UBAC2: variants seen among roughly 807,000 people sequenced by gnomAD.
UBAC2 encodes the protein ubiquitin-associated domain-containing protein 2.
Under a neutral mutation model 44.0 loss-of-function variants are expected in UBAC2, and 26 were observed. The ratio of observed to expected loss-of-function variants is 0.59; its 90% CI spans 0.43 to 0.82. The LOEUF is 0.82. Among genes scored for constraint, UBAC2 ranks in the 40% least tolerant of loss-of-function variants. The probability of loss-of-function intolerance (pLI) is 0.00; values close to 1 mark genes in which losing one functional copy is unlikely to be tolerated. For missense variants in UBAC2, 329 were observed against 419.4 expected, an observed-to-expected ratio of 0.78 and a Z score of 1.88; for synonymous variants, 155 against 154.3, an observed-to-expected ratio of 1.00 and a Z score of -0.04.
chr13:99,242,986 A>G (rs547866025), intron 2 of UBAC2, among the ~76,000 whole-genome samples: 1 of 149,314 alleles, frequency 6.7e-6, no homozygotes, highest in South Asian at 2.2e-4. Context: ...CACTTCCTAG[A>G]TGGGATGGCG....
chr13:99,338,510 T>G (rs1429479090), intron 6 of UBAC2, among the ~76,000 whole-genome samples: 6 of 152,238 alleles, frequency 3.9e-5, no homozygotes, highest in Admixed American at 3.9e-4. Context: ...GCATTTGGAC[T>G]TATATGCTGC....
chr13:99,289,693 C>A (rs551821146), intron 4 of UBAC2, among the ~76,000 whole-genome samples: 2 of 152,112 alleles, frequency 1.3e-5, no homozygotes, highest in Non-Finnish European at 2.9e-5. Flanking sequence ...CACGAAATAA[C>A]CCTGAAATCA....
At chr13:99,232,130 T>C (rs1255946436) in intron 1 of UBAC2, among the ~76,000 whole-genome samples, 1 of 152,122 alleles carries the variant, frequency 6.6e-6, no homozygotes, top group Non-Finnish European at 1.5e-5. Context: ...AGCTAGAAAC[T>C]ATTAGAAGTG....
chr13:99,286,250 G>A (rs2044017566), intron 4 of UBAC2, among the ~76,000 whole-genome samples: 1 of 152,166 alleles, frequency 6.6e-6, no homozygotes, highest in Admixed American at 6.5e-5. Flanking sequence ...ATTTATATTT[G>A]ACTTCAAATG....
intron 4 of UBAC2, among the ~76,000 whole-genome samples, chr13:99,303,673 A>G (rs1046372130): frequency 3.3e-5 from 5 of 152,040 alleles, no homozygotes; most frequent in African/African-American, 1.2e-4. Context: ...TGTCTATAAT[A>G]TTTCTCCTCT....
At position 99,342,611 on chromosome 13, in the gene UBAC2, G is replaced by A. The variant is rs142898390; in HGVS notation, c.807+2046G>A. On this transcript the variant is annotated intron_variant, in intron 7 of 8. Coordinates refer to ENST00000403766, the MANE Select transcript of UBAC2 (RefSeq NM_001144072.2). ...CATGGCCATCCATTCGTGTGCCAGC[G>A]CTGGGTTATCTGGTGATGGAGCCAC... Among the ~76,000 whole-genome samples the A allele has an allele frequency of 2.4e-3, 365 of 152,276 alleles. 4 individuals are homozygous for A. Among genetic ancestry groups the A allele is most frequent in the South Asian group, 0.011 (52 of 4,820 alleles).
At chr13:99,363,114 T>G (rs2045286933) in intron 7 of UBAC2, among the ~76,000 whole-genome samples, 1 of 152,234 alleles carries the variant, frequency 6.6e-6, no homozygotes, top group Non-Finnish European at 1.5e-5. Flanking sequence ...TAGCCAGTTG[T>G]CCCAGGACTG....
At chr13:99,374,990 C>G (rs570055149) in intron 8 of UBAC2, among the ~76,000 whole-genome samples, 1 of 152,322 alleles carries the variant, frequency 6.6e-6, no homozygotes, top group East Asian at 1.9e-4. Context: ...CCAGGTTTTT[C>G]CATTGCTTGC....
chr13:99,314,351 A>C, intron 5 of UBAC2, 131 bp downstream of exon 5: 1 of 1,064,568 alleles, frequency 9.4e-7, no homozygotes, highest in Non-Finnish European at 1.3e-6. Context: ...TTCATGATCT[A>C]TATCAAATGT....
At chr13:99,337,641 C>G (rs1330967422) in intron 6 of UBAC2, among the ~76,000 whole-genome samples, 2 of 152,096 alleles carry the variant, frequency 1.3e-5, no homozygotes, top group Non-Finnish European at 2.9e-5. Context: ...TATCCTTTCC[C>G]CCATATTCCC....
intron 4 of UBAC2, among the ~76,000 whole-genome samples, chr13:99,253,623 C>T (rs1046031006): frequency 1.3e-5 from 2 of 152,134 alleles, no homozygotes; most frequent in Non-Finnish European, 2.9e-5. Context: ...AAGCTATTCT[C>T]CTGCCTCAGC....
intron 7 of UBAC2, among the ~76,000 whole-genome samples, chr13:99,350,138 T>C (rs947764686): frequency 1.3e-5 from 2 of 152,228 alleles, no homozygotes; most frequent in African/African-American, 4.8e-5. Flanking sequence ...AGCTAATGAT[T>C]CATGATGTTT....
At position 99,295,671 on chromosome 13, in the gene UBAC2, C is replaced by A; in HGVS notation, c.390-18426C>A. 6.2e-7 allele frequency: 1 copy of A among 1,614,164 alleles called. No individual in the cohort carries two copies. The highest frequency in any genetic ancestry group is 8.5e-7 in the Non-Finnish European group (1 of 1,180,034). On this transcript the variant is annotated intron_variant, in intron 4 of 8. Transcript: ENST00000403766. The surrounding 1 kb of genome is among the most constrained non-coding windows in gnomAD (Gnocchi z 4.1). ...AGGAGTGGGAGTGTCTGAGCAAATA[C>A]TAGAATCCAGACAAATATGCACACG...
At chr13:99,217,632 T>A (rs904050733) in intron 1 of UBAC2, among the ~76,000 whole-genome samples, 5 of 152,182 alleles carry the variant, frequency 3.3e-5, no homozygotes, top group Admixed American at 1.3e-4. Flanking sequence ...AGCCCTCTGG[T>A]GTCTCAGCTG....
intron 6 of UBAC2, among the ~76,000 whole-genome samples, chr13:99,329,398 G>T (rs1296824765): frequency 6.6e-6 from 1 of 152,218 alleles, no homozygotes; most frequent in Non-Finnish European, 1.5e-5. Flanking sequence ...GGATTGCCAT[G>T]GTGATGGTTT....
chr13:99,327,198 A>G (rs3742127), intron 6 of UBAC2, among the ~76,000 whole-genome samples: 14,643 of 152,264 alleles, frequency 0.096, 762 homozygotes, highest in East Asian at 0.13. Flanking sequence ...TGAAGTAAAG[A>G]AACATTCAGA....
At chr13:99,203,570 AGT>A (rs2042832423) in intron 1 of UBAC2, among the ~76,000 whole-genome samples, 1 of 152,208 alleles carries the variant, frequency 6.6e-6, no homozygotes, top group Non-Finnish European at 1.5e-5. Context: ...CCATTCAATA[AGT>A]GTCTGTTGGG....
intron 1 of UBAC2, among the ~76,000 whole-genome samples, chr13:99,226,800 T>C (rs535551884): frequency 6.6e-6 from 1 of 152,338 alleles, no homozygotes; most frequent in Non-Finnish European, 1.5e-5. Flanking sequence ...TGCTTTTTTT[T>C]CCTCCAGAAT....
rs918101929 is a variant in UBAC2, at chr13:99,294,959, G to A, written c.390-19138G>A. 4 of 1,338,228 alleles carry A rather than the reference G, an allele frequency of 3.0e-6. No homozygotes were observed. In the African/African-American group the frequency reaches 5.9e-5, roughly 20 times the overall value. 82.9% of individuals were successfully genotyped at this position (1,338,228 alleles called of 1,614,324 possible). ...AGTGCCCAATGAAAGAAATATAAAA[G>A]AATACTAATTGGAAGCTGAACAATT... On this transcript the variant is annotated intron_variant, in intron 4 of 8. Transcript: ENST00000403766.
Sources: allele counts gnomAD v4.1 joint callset (sites outside exome capture counted in the v4.1 genomes callset), GRCh38; gene constraint gnomAD v4.1.1; non-coding constraint Gnocchi (gnomAD v3.1); transcripts MANE v1.5; gene names NCBI Gene and HGNC (gene_info 2026-07-23, HGNC 2026-07-21).